Variants in CNN1 observed in about 807,000 individuals in gnomAD.
CNN1 encodes the protein calponin 1, also known as calponin-1.
Under a neutral mutation model 35.3 loss-of-function variants are expected in CNN1, and 21 were observed. The ratio of observed to expected loss-of-function variants is 0.60; its 90% CI spans 0.42 to 0.86. The LOEUF (loss-of-function observed/expected upper bound fraction) is 0.86, where lower values mean the gene tolerates loss of function less well. CNN1 is among the 40% of genes least tolerant of loss of function. The probability of loss-of-function intolerance (pLI) is 0.00; values close to 1 mark genes in which losing one functional copy is unlikely to be tolerated. For synonymous variants in CNN1, 164 were observed against 161.8 expected (o/e 1.01, Z -0.10); for missense variants, 314 against 400.8 (o/e 0.78, Z 1.85).
intron 1 of CNN1, chr19:11,540,732 G>C (rs1466957323): frequency 9.5e-6 from 2 of 211,302 alleles, no homozygotes; most frequent in Non-Finnish European, 1.9e-5. Flanking sequence ...AGGGCTAGAG[G>C]AAGAGAAGCC....
chr19:11,549,823 C>T lies in CNN1; in HGVS notation c.*28C>T, dbSNP rs558693652. 9.2e-5 allele frequency: 145 copies of T among 1,575,658 alleles called. 2 individuals are homozygous for T. The South Asian group carries it at 1.5e-3, about 16-fold the overall frequency. ...CCACAAGGCCTTCCCTGTTTTCCCCCCAAGGGAGGCTGCTGCTGCTCTTGG... is the reference window on the plus strand; with the variant it reads ...CCACAAGGCCTTCCCTGTTTTCCCCTCAAGGGAGGCTGCTGCTGCTCTTGG... On this transcript the variant is annotated 3_prime_UTR_variant, in exon 7 of 7. Coordinates refer to ENST00000252456, the MANE Select transcript of CNN1 (RefSeq NM_001299.6). The surrounding 1 kb of genome is among the most constrained non-coding windows in gnomAD (Gnocchi z 5.2).
intron 1 of CNN1, chr19:11,540,133 A>C: frequency 2.4e-6 from 2 of 843,914 alleles, no homozygotes; most frequent in Non-Finnish European, 2.9e-6. Context: ...TTCTGGAGAA[A>C]TGGGAGTGGA....
intron 2 of CNN1, among the ~76,000 whole-genome samples, chr19:11,543,624 A>G (rs1041638259): frequency 6.6e-6 from 1 of 150,438 alleles, no homozygotes; most frequent in Middle Eastern, 3.4e-3. Flanking sequence ...ACTAAAAAAA[A>G]TACAAAAAAT....
intron 2 of CNN1, among the ~76,000 whole-genome samples, chr19:11,545,869 G>C (rs562026435): frequency 6.6e-6 from 1 of 151,708 alleles, no homozygotes; most frequent in African/African-American, 2.4e-5. Flanking sequence ...GGAAGGCTGA[G>C]GTGGGAGGAT....
chr19:11,539,684 G>A, intron 1 of CNN1: 1 of 688,694 alleles, frequency 1.5e-6, no homozygotes, highest in Admixed American at 2.3e-5. Context: ...GTATTGCCGA[G>A]GGAGGAGTTC....
At chr19:11,547,394 CAA>C (rs1019313802) in intron 4 of CNN1, among the ~76,000 whole-genome samples, 3 of 98,210 alleles carry the variant, frequency 3.1e-5, no homozygotes. Flanking sequence ...GACTCCGTCT[CAA>C]AAAAAAAAAA....
At chr19:11,544,195 A>G (rs11880637) in intron 2 of CNN1, among the ~76,000 whole-genome samples, 1 of 151,834 alleles carries the variant, frequency 6.6e-6, no homozygotes, top group Non-Finnish European at 1.5e-5. Flanking sequence ...GGTCAGGTAT[A>G]TGTCTGCGGG....
intron 2 of CNN1, among the ~76,000 whole-genome samples, chr19:11,543,131 C>T (rs1001746078): frequency 2.6e-5 from 4 of 152,122 alleles, no homozygotes; most frequent in Non-Finnish European, 4.4e-5. Context: ...ACTGCTCAGA[C>T]GTCAAACAGT....
chr19:11,547,448 C>T (rs932233906), intron 4 of CNN1, among the ~76,000 whole-genome samples: 3 of 151,620 alleles, frequency 2.0e-5, no homozygotes, highest in Non-Finnish European at 2.9e-5. Context: ...CGGTGGCTCA[C>T]GCCTGTAATC....
rs758511458 is a variant in CNN1 at position 11,541,213 on chromosome 19, G to T, written c.185+16G>T. On this transcript the variant is annotated intron_variant, in intron 2 of 6. Transcript: ENST00000252456. Reference sequence around the variant, plus strand: ...TTCTTTGCGAGTGAGTGAGGCTCTCGAAGCCGAGACCCTGCAACATCCCCC... The same window carrying T: ...TTCTTTGCGAGTGAGTGAGGCTCTCTAAGCCGAGACCCTGCAACATCCCCC... 1 of 1,544,348 alleles carries T rather than the reference G, an allele frequency of 6.5e-7. No homozygotes were observed. The highest frequency in any genetic ancestry group is 8.8e-7 in the Non-Finnish European group (1 of 1,141,492).
intron 1 of CNN1, chr19:11,539,868 T>C (rs1972419327): frequency 4.3e-6 from 5 of 1,150,480 alleles, no homozygotes; most frequent in Non-Finnish European, 4.3e-6. Context: ...GCCGCCCTCC[T>C]CCCCCCCAGC....
At position 11,549,780 on chromosome 19, in the gene CNN1, CTACAA is replaced by C; in HGVS notation, c.881_885del (p.Tyr294PhefsTer76). ...CCCACAACCACCACGCACACAACTA[CTACAA>C]TTCCGCCTAGGGCCACAAGGCCTTC... On this transcript the variant is annotated frameshift_variant, in exon 7 of 7. Coordinates refer to ENST00000252456, the MANE Select transcript of CNN1 (RefSeq NM_001299.6). LOFTEE classifies it high-confidence loss of function. This position sits in a 1 kb window ranked among gnomAD's most constrained non-coding sequence, Gnocchi z 5.2. The C allele has an allele frequency of 6.2e-7, 1 of 1,608,730 alleles. No homozygotes were observed. Among genetic ancestry groups the C allele is most frequent in the Non-Finnish European group, 8.5e-7 (1 of 1,176,220 alleles).
chr19:11,540,776 G>A lies in CNN1; in HGVS notation c.64-300G>A, dbSNP rs190272080. ...GGCCTGGGCGAAAAACCAGGGTGCC[G>A]GGTGCCACCCCTCTAGCTCAGAGGA... On this transcript the variant is annotated intron_variant, in intron 1 of 6. Transcript: ENST00000252456. The A allele has an allele frequency of 4.3e-4, 116 of 267,140 alleles. No homozygotes were observed. The East Asian group carries it at 6.6e-3, about 15-fold the overall frequency. The allele number at this position is 267,140 out of a possible 1,614,324, so 16.5% of individuals were successfully genotyped here. A position where few individuals can be genotyped will look rare whatever the true frequency, so the allele number is the denominator to read the frequency against.
intron 3 of CNN1, 44 bp from the exon 4 acceptor site, chr19:11,546,788 G>C (rs763437651): frequency 1.9e-6 from 3 of 1,613,618 alleles, no homozygotes; most frequent in Non-Finnish European, 2.5e-6. Flanking sequence ...AAGCCCCTCA[G>C]ACCTCCCCTC....
At chr19:11,539,925 T>A in intron 1 of CNN1, 3 of 1,112,044 alleles carry the variant, frequency 2.7e-6, no homozygotes, top group Non-Finnish European at 3.3e-6. Flanking sequence ...CCGCGCCTTA[T>A]AAGGCGGCCT....
At chr19:11,539,016 T>C in intron 1 of CNN1, 26 bp downstream of exon 1, 1 of 1,551,362 alleles carries the variant, frequency 6.4e-7, no homozygotes, top group Non-Finnish European at 8.7e-7. Flanking sequence ...CTCCCTGGCC[T>C]GGCCCACACG....
intron 2 of CNN1, among the ~76,000 whole-genome samples, chr19:11,543,758 G>GGGTGACA (rs1177902359): frequency 1.4e-5 from 2 of 147,938 alleles, no homozygotes; most frequent in Admixed American, 1.4e-4. Flanking sequence ...ACTCCAGCTT[G>GGGTGACA]GGTGACAGAG....
chr19:11,544,662 GTTTTTT>G lies in CNN1; in HGVS notation c.186-1998_186-1993del, dbSNP rs745637541. Among the ~76,000 whole-genome samples, 2 of 131,972 alleles carry G rather than the reference GTTTTTT, an allele frequency of 1.5e-5. 1 individual carries two copies. Among genetic ancestry groups the G allele is most frequent in the Non-Finnish European group, 3.2e-5 (2 of 61,926 alleles). 86.6% of individuals were successfully genotyped at this position (131,972 alleles called of 152,430 possible). ...TCACCACGCCCGGTGAAGTTTTCGG[GTTTTTT>G]TTTTTTTTTTTTTTGTAGAGACACG... is the stretch of plus-strand genomic sequence containing the variant. On this transcript the variant is annotated intron_variant, in intron 2 of 6. Transcript: ENST00000252456.
At position 11,547,879 on chromosome 19, in the gene CNN1, G is replaced by T; in HGVS notation, c.473G>T (p.Arg158Ile). ...QERKFEPGKL[R>I]EGRNIIGLQM... is the part of the protein sequence containing the mutation. ...CGGAAATTCGAGCCGGGGAAGCTAA[G>T]AGAAGGGCGGAACATCATTGGGCTG... Residue 158 changes from arginine to isoleucine, a missense_variant, in exon 5 of 7, where the codon AGA becomes ATA. Coordinates refer to ENST00000252456, the MANE Select transcript of CNN1 (RefSeq NM_001299.6). 6.2e-7 allele frequency: 1 copy of T among 1,614,006 alleles called. No individual in the cohort carries two copies. Among genetic ancestry groups the T allele is most frequent in the South Asian group, 1.1e-5 (1 of 91,064 alleles).
Sources: gnomAD v4.1 joint callset for allele counts (sites outside exome capture counted in the v4.1 genomes callset) on GRCh38, gnomAD v4.1.1 for gene constraint, Gnocchi (gnomAD v3.1) non-coding constraint, MANE v1.5 for transcripts, NCBI Gene and HGNC (gene_info 2026-07-23, HGNC 2026-07-21) for gene names.